MCCC2: variants seen among roughly 807,000 people sequenced by gnomAD.
The protein encoded by MCCC2 is methylcrotonyl-CoA carboxylase subunit 2, also known as methylcrotonoyl-CoA carboxylase beta chain, mitochondrial.
A neutral mutation model predicts 77.2 loss-of-function variants in MCCC2; 52 were observed. That is an observed-to-expected ratio of 0.67 (90% CI 0.54 to 0.85). MCCC2 has a LOEUF of 0.85. Among genes scored for constraint, MCCC2 ranks in the 40% least tolerant of loss-of-function variants. The pLI, the probability that MCCC2 is intolerant of heterozygous loss-of-function variation, is 0.00. For synonymous variants in MCCC2, 253 were observed against 248.4 expected (o/e 1.02, Z -0.18); for missense variants, 682 against 703.2 (o/e 0.97, Z 0.34).
intron 4 of MCCC2, 84 bp downstream of exon 4, chr5:71,599,844 T>G: frequency 9.3e-7 from 1 of 1,073,370 alleles, no homozygotes; most frequent in East Asian, 2.4e-5. Context: ...ACTTTGCATA[T>G]TAGCATGCGA....
intron 3 of MCCC2, 31 bp downstream of exon 3, chr5:71,596,395 TG>T (rs1745189804): frequency 6.5e-7 from 1 of 1,536,022 alleles, no homozygotes; most frequent in Admixed American, 1.7e-5. Context: ...TGACTCAGAG[TG>T]TTCTCTGTTC....
At chr5:71,653,527 G>A (rs138574300) in intron 16 of MCCC2, among the ~76,000 whole-genome samples, 3 of 149,480 alleles carry the variant, frequency 2.0e-5, no homozygotes, top group Admixed American at 2.0e-4. Flanking sequence ...TTATGCTGGC[G>A]AAGGCAAACT....
intron 6 of MCCC2, among the ~76,000 whole-genome samples, chr5:71,624,529 C>T: frequency 6.6e-6 from 1 of 151,668 alleles, no homozygotes; most frequent in East Asian, 1.9e-4. Context: ...AGGCATGCAC[C>T]ACCGTGCCTG....
rs199942097 is a variant in MCCC2 at position 71,646,700 on chromosome 5, A to T, written c.1216+423A>T. 2.0e-5 allele frequency among the ~76,000 whole-genome samples: 3 copies of T among 152,158 alleles called. No individual in the cohort carries two copies. The South Asian group carries it at 6.2e-4, about 32-fold the overall frequency. On this transcript the variant is annotated intron_variant, in intron 13 of 16. Coordinates refer to ENST00000340941, the MANE Select transcript of MCCC2 (RefSeq NM_022132.5). ...TTATCCATATTTTCTAAGTGAAGCT[A>T]TTTCTGAGTTATGTACCTGATCAGC...
At chr5:71,643,739 G>A (rs756142613) in intron 11 of MCCC2, 80 bp from the exon 12 acceptor site, 5 of 1,612,290 alleles carry the variant, frequency 3.1e-6, no homozygotes, top group Admixed American at 3.3e-5. Context: ...ATTAAAGAAT[G>A]TGTAAATATG....
intron 13 of MCCC2, among the ~76,000 whole-genome samples, chr5:71,648,545 G>T (rs1241820780): frequency 6.6e-6 from 1 of 152,176 alleles, no homozygotes; most frequent in Non-Finnish European, 1.5e-5. Flanking sequence ...AGAACAGTCT[G>T]TTTTAAAACC....
At chr5:71,611,262 G>A (rs557976729) in intron 6 of MCCC2, among the ~76,000 whole-genome samples, 1 of 152,130 alleles carries the variant, frequency 6.6e-6, no homozygotes, top group Non-Finnish European at 1.5e-5. Flanking sequence ...TTAGCCGAGT[G>A]TGGTGTGGCA....
intron 3 of MCCC2, among the ~76,000 whole-genome samples, chr5:71,597,777 A>C (rs564423213): frequency 5.2e-4 from 79 of 152,308 alleles, no homozygotes; most frequent in African/African-American, 1.9e-3. Context: ...AGACACCTAC[A>C]TTTTTTAAAA....
chr5:71,629,826 G>T (rs974841349), intron 7 of MCCC2, among the ~76,000 whole-genome samples: 3 of 151,820 alleles, frequency 2.0e-5, no homozygotes, highest in Non-Finnish European at 2.9e-5. Context: ...AGAGGAAAAT[G>T]CACTCAAAAT....
At chr5:71,615,192 C>T (rs951510059) in intron 6 of MCCC2, among the ~76,000 whole-genome samples, 3 of 152,174 alleles carry the variant, frequency 2.0e-5, no homozygotes, top group Admixed American at 6.5e-5. Context: ...TGGCCTTGAA[C>T]TCCTGACCTA....
At chr5:71,633,131 A>ATTTTTTTTTT (rs1306338509) in intron 8 of MCCC2, among the ~76,000 whole-genome samples, 56 of 78,060 alleles carry the variant, frequency 7.2e-4, no homozygotes, top group East Asian at 2.9e-3. Flanking sequence ...ATATATATAT[A>ATTTTTTTTTT]TTTTTATTTT....
At chr5:71,643,496 C>G in intron 11 of MCCC2, among the ~76,000 whole-genome samples, 1 of 152,170 alleles carries the variant, frequency 6.6e-6, no homozygotes, top group South Asian at 2.1e-4. Flanking sequence ...TATAGTATCC[C>G]TAGTGTCTGG....
intron 14 of MCCC2, 136 bp downstream of exon 14, chr5:71,649,389 T>G (rs1747370860): frequency 2.3e-6 from 2 of 870,766 alleles, no homozygotes; most frequent in African/African-American, 3.4e-5. Flanking sequence ...TTTGTATCAT[T>G]TGGAGGGGTG....
At chr5:71,648,954 G>T in intron 13 of MCCC2, 143 bp from the exon 14 acceptor site, 2 of 962,400 alleles carry the variant, frequency 2.1e-6, no homozygotes. Flanking sequence ...CTTTTTAACG[G>T]TATGTTTCAC....
chr5:71,618,080 A>T (rs1746225726), intron 6 of MCCC2, among the ~76,000 whole-genome samples: 1 of 152,140 alleles, frequency 6.6e-6, no homozygotes, highest in Admixed American at 6.5e-5. Context: ...TCATGTCATG[A>T]GAATGCCTTC....
chr5:71,645,830 C>A (rs1232678491), intron 12 of MCCC2, among the ~76,000 whole-genome samples: 1 of 152,200 alleles, frequency 6.6e-6, no homozygotes, highest in African/African-American at 2.4e-5. Flanking sequence ...CCTACAGTTA[C>A]ATATCCTATT....
At chr5:71,647,173 C>A (rs1322735993) in intron 13 of MCCC2, among the ~76,000 whole-genome samples, 1 of 152,128 alleles carries the variant, frequency 6.6e-6, no homozygotes, top group Non-Finnish European at 1.5e-5. Context: ...AACAGCCTCC[C>A]CCATCCCAGG....
intron 5 of MCCC2, chr5:71,602,881 GT>G (rs201897217): frequency 0.049 from 18,667 of 379,432 alleles, no homozygotes; most frequent in South Asian, 0.065. Flanking sequence ...GTGTTGTGTG[GT>G]TTTTTTTTTT....
intron 3 of MCCC2, among the ~76,000 whole-genome samples, chr5:71,598,501 A>G (rs895864240): frequency 2.0e-5 from 3 of 151,576 alleles, no homozygotes; most frequent in East Asian, 3.9e-4. Context: ...GTGCAGTGGC[A>G]TGATCTCAGC....
Sources: gnomAD v4.1 joint callset for allele counts (sites outside exome capture counted in the v4.1 genomes callset) on GRCh38, gnomAD v4.1.1 for gene constraint, MANE v1.5 for transcripts, NCBI Gene and HGNC (gene_info 2026-07-23, HGNC 2026-07-21) for gene names.